ZMIZ1: variants seen among roughly 807,000 people sequenced by gnomAD.
ZMIZ1 encodes the protein zinc finger MIZ domain-containing protein 1.
ZMIZ1 carries 17 observed loss-of-function variants against 113.9 expected under a neutral mutation model. That is an observed-to-expected ratio of 0.15 (90% confidence interval 0.10 to 0.22). The LOEUF (loss-of-function observed/expected upper bound fraction) is 0.22. Among genes scored for constraint, ZMIZ1 ranks in the 10% least tolerant of loss-of-function variants. The probability of loss-of-function intolerance (pLI) is 1.00; values close to 1 mark genes in which losing one functional copy is unlikely to be tolerated. For missense variants in ZMIZ1, 1,059 were observed against 1,477.8 expected, an observed-to-expected ratio of 0.72 and a Z score of 4.65; for synonymous variants, 607 against 603.1, an observed-to-expected ratio of 1.01 and a Z score of -0.09.
intron 4 of ZMIZ1, among the ~76,000 whole-genome samples, chr10:79,165,894 G>A (rs1186933499): frequency 4.6e-5 from 7 of 150,690 alleles, no homozygotes; most frequent in Non-Finnish European, 1.0e-4. Context: ...AGCCTGACTT[G>A]GCACTAGTCA....
intron 3 of ZMIZ1, among the ~76,000 whole-genome samples, chr10:79,150,346 T>TCGGGC (rs1845663050): frequency 6.6e-6 from 1 of 152,224 alleles, no homozygotes; most frequent in Admixed American, 6.5e-5. Context: ...AAGCCCGACC[T>TCGGGC]CGGGCCGCCC....
chr10:79,225,879 C>T (rs138800739), intron 7 of ZMIZ1, among the ~76,000 whole-genome samples: 14 of 152,340 alleles, frequency 9.2e-5, no homozygotes, highest in African/African-American at 2.4e-4. Flanking sequence ...TGTCCATCTA[C>T]ACCATTTCTC....
chr10:79,244,914 G>A (rs1850099137), intron 7 of ZMIZ1, among the ~76,000 whole-genome samples: 1 of 152,184 alleles, frequency 6.6e-6, no homozygotes. Context: ...TGGAGGAAAG[G>A]CCCTGTCCCA....
At chr10:79,310,344 T>C (rs1459385801) in intron 23 of ZMIZ1, among the ~76,000 whole-genome samples, 2 of 152,190 alleles carry the variant, frequency 1.3e-5, no homozygotes, top group Non-Finnish European at 2.9e-5. Flanking sequence ...GCAGGGCTTG[T>C]GCCAAGGCCC....
At chr10:79,189,906 C>G (rs578075623) in intron 4 of ZMIZ1, among the ~76,000 whole-genome samples, 30 of 152,188 alleles carry the variant, frequency 2.0e-4, no homozygotes, top group South Asian at 6.2e-4. Context: ...TGGCTCAGTC[C>G]CCTGAGTAGC....
At chr10:79,245,115 C>A (rs1850113453) in intron 7 of ZMIZ1, among the ~76,000 whole-genome samples, 1 of 152,200 alleles carries the variant, frequency 6.6e-6, no homozygotes, top group Non-Finnish European at 1.5e-5. Context: ...GAATCTAGGT[C>A]TTTACCGGAA....
At chr10:79,273,515 A>C (rs1852075836) in intron 7 of ZMIZ1, among the ~76,000 whole-genome samples, 1 of 152,090 alleles carries the variant, frequency 6.6e-6, no homozygotes, top group Non-Finnish European at 1.5e-5. Context: ...TGGCTACCAC[A>C]CCTGGCTAAT....
At chr10:79,243,661 G>C in intron 7 of ZMIZ1, 1 of 299,056 alleles carries the variant, frequency 3.3e-6, no homozygotes, top group Non-Finnish European at 6.7e-6. Context: ...ACCCGGAGTC[G>C]CTCGCCGCGG....
intron 7 of ZMIZ1, among the ~76,000 whole-genome samples, chr10:79,227,929 C>A (rs1408136726): frequency 6.6e-6 from 1 of 152,202 alleles, no homozygotes; most frequent in Non-Finnish European, 1.5e-5. Context: ...GGCAGCCCTG[C>A]AGAAGGGGAA....
At chr10:79,213,851 A>C (rs768798797) in intron 6 of ZMIZ1, among the ~76,000 whole-genome samples, 2 of 152,208 alleles carry the variant, frequency 1.3e-5, no homozygotes, top group Non-Finnish European at 2.9e-5. Flanking sequence ...AATCAGAGAT[A>C]ATAATAATAA....
intron 7 of ZMIZ1, among the ~76,000 whole-genome samples, chr10:79,231,556 T>TG (rs1443970292): frequency 6.6e-6 from 1 of 151,390 alleles, no homozygotes; most frequent in Non-Finnish European, 1.5e-5. Flanking sequence ...GGAAGCCTGG[T>TG]GGGGGGTTTT....
chr10:79,162,813 CCT>C (rs1457069765), intron 4 of ZMIZ1, among the ~76,000 whole-genome samples: 1 of 152,194 alleles, frequency 6.6e-6, no homozygotes, highest in African/African-American at 2.4e-5. Context: ...CCCTGCTCCC[CCT>C]GAGGACCCAC....
chr10:79,115,567 T>C (rs1843983466), intron 1 of ZMIZ1, among the ~76,000 whole-genome samples: 1 of 152,208 alleles, frequency 6.6e-6, no homozygotes, highest in Admixed American at 6.5e-5. Flanking sequence ...CCTTGGCCTG[T>C]CAGGGATTCC....
chr10:79,123,173 G>A (rs1018893862), intron 2 of ZMIZ1, among the ~76,000 whole-genome samples: 1 of 152,212 alleles, frequency 6.6e-6, no homozygotes, highest in Admixed American at 6.5e-5. Context: ...TCAGGGGCAT[G>A]ACAAACTGTT....
At chr10:79,302,705 TGAGAGA>T (rs71482722) in intron 18 of ZMIZ1, among the ~76,000 whole-genome samples, 2 of 92,422 alleles carry the variant, frequency 2.2e-5, no homozygotes, top group South Asian at 4.5e-4. Context: ...TTTTTTTTTT[TGAGAGA>T]GAGAGAGAAT....
chr10:79,071,975 G>T (rs1055824493), intron 1 of ZMIZ1, among the ~76,000 whole-genome samples: 9 of 144,968 alleles, frequency 6.2e-5, no homozygotes, highest in African/African-American at 2.1e-4. Context: ...GGGGGTGGGG[G>T]CTGGGTGGGG....
intron 5 of ZMIZ1, among the ~76,000 whole-genome samples, chr10:79,207,420 T>C (rs1020233068): frequency 6.6e-5 from 10 of 152,184 alleles, no homozygotes; most frequent in Admixed American, 5.9e-4. Flanking sequence ...GCCACATCTT[T>C]TGTCTCCTGG....
chr10:79,096,277 G>A lies in ZMIZ1; in HGVS notation c.-336-22638G>A, dbSNP rs537589920. 1.9e-3 allele frequency among the ~76,000 whole-genome samples: 294 copies of A among 152,300 alleles called. 2 individuals carry two copies. Among genetic ancestry groups the A allele is most frequent in the African/African-American group, 6.4e-3 (265 of 41,564 alleles). On this transcript the variant is annotated intron_variant, in intron 1 of 24. Transcript: ENST00000334512. ...TGTAATACCAGCACTTTGGGAGGCCGAGACAGGCGGATCACAAGGTCAGGA... is the reference window on the plus strand; with the variant it reads ...TGTAATACCAGCACTTTGGGAGGCCAAGACAGGCGGATCACAAGGTCAGGA...
chr10:79,150,798 G>A (rs765088623), intron 3 of ZMIZ1, among the ~76,000 whole-genome samples: 11 of 152,054 alleles, frequency 7.2e-5, no homozygotes, highest in Non-Finnish European at 1.3e-4. Flanking sequence ...CCCAGAAGCC[G>A]GGCGACGGAG....
Sources: gnomAD v4.1 joint callset for allele counts (sites outside exome capture counted in the v4.1 genomes callset) on GRCh38, gnomAD v4.1.1 for gene constraint, MANE v1.5 for transcripts, NCBI Gene and HGNC (gene_info 2026-07-23, HGNC 2026-07-21) for gene names.